The following CDC73 variants were observed in gnomAD, a reference collection of about 807,000 sequenced individuals.
CDC73 encodes the protein cell division cycle 73.
CDC73 carries 21 observed loss-of-function variants against 83.7 expected under a neutral mutation model. The observed-to-expected ratio is 0.25, with a 90% CI of 0.18 to 0.36. The LOEUF is 0.36. Ranked by LOEUF, CDC73 falls within the 10% of genes least tolerant of loss-of-function variation. The pLI, the probability that CDC73 is intolerant of heterozygous loss-of-function variation, is 1.00. For synonymous variants in CDC73, 224 were observed against 212.9 expected, an observed-to-expected ratio of 1.05 and a Z score of -0.45; for missense variants, 342 against 653.3, an observed-to-expected ratio of 0.52 and a Z score of 5.19.
chr1:193,159,518 G>C (rs1320748264), intron 10 of CDC73, among the ~76,000 whole-genome samples: 1 of 151,950 alleles, frequency 6.6e-6, no homozygotes, highest in African/African-American at 2.4e-5. Flanking sequence ...TTACAGGCGT[G>C]CACCACCATG....
intron 2 of CDC73, among the ~76,000 whole-genome samples, chr1:193,127,289 ATGTGTG>A (rs34948918): frequency 0.01 from 1,440 of 143,254 alleles, 15 homozygotes; most frequent in South Asian, 0.035. Flanking sequence ...AAAAAAAAAA[ATGTGTG>A]TGTGTGTGTG....
intron 10 of CDC73, among the ~76,000 whole-genome samples, chr1:193,153,627 G>A (rs1676158895): frequency 6.6e-6 from 1 of 152,108 alleles, no homozygotes; most frequent in South Asian, 2.1e-4. Context: ...CTGATTTTAA[G>A]TTTGTTTTTT....
chr1:193,209,102 T>G (rs555648902), intron 11 of CDC73, among the ~76,000 whole-genome samples: 1 of 152,268 alleles, frequency 6.6e-6, no homozygotes, highest in South Asian at 2.1e-4. Flanking sequence ...GAATTACTTC[T>G]GTTTTATTTG....
At chr1:193,175,390 A>G (rs973551603) in intron 10 of CDC73, among the ~76,000 whole-genome samples, 1 of 152,218 alleles carries the variant, frequency 6.6e-6, no homozygotes, top group African/African-American at 2.4e-5. Context: ...GGCAATAGCA[A>G]GAGAAAGAAG....
intron 6 of CDC73, among the ~76,000 whole-genome samples, chr1:193,138,774 A>AT (rs5779662): frequency 0.71 from 91,162 of 128,946 alleles, 32,523 homozygotes; most frequent in South Asian, 0.79. Context: ...CTGAACTTTA[A>AT]TTTTTTTTTT....
At chr1:193,228,858 G>C (rs1677608512) in intron 13 of CDC73, among the ~76,000 whole-genome samples, 1 of 151,978 alleles carries the variant, frequency 6.6e-6, no homozygotes, top group Non-Finnish European at 1.5e-5. Context: ...CCACATGCTG[G>C]GAGAAAATCT....
intron 3 of CDC73, among the ~76,000 whole-genome samples, chr1:193,132,196 C>T (rs1448894089): frequency 6.6e-6 from 1 of 152,164 alleles, no homozygotes; most frequent in East Asian, 1.9e-4. Context: ...TGGCTTTAAG[C>T]AGTAAGATTG....
chr1:193,210,042 A>G (rs1241146502), intron 11 of CDC73, among the ~76,000 whole-genome samples: 1 of 152,202 alleles, frequency 6.6e-6, no homozygotes, highest in African/African-American at 2.4e-5. Context: ...TATGTAGCCA[A>G]TGAGATTTAT....
At chr1:193,230,573 A>G (rs1328809349) in intron 13 of CDC73, among the ~76,000 whole-genome samples, 1 of 151,134 alleles carries the variant, frequency 6.6e-6, no homozygotes, top group Non-Finnish European at 1.5e-5. Context: ...TACATATGAA[A>G]CAATTGCCTA....
intron 10 of CDC73, among the ~76,000 whole-genome samples, chr1:193,153,088 T>A (rs567472402): frequency 6.6e-6 from 1 of 152,250 alleles, no homozygotes; most frequent in Admixed American, 6.5e-5. Context: ...CAATGTAATG[T>A]CTTTCGCTCT....
Position 193,253,569 on chromosome 1 carries a change from T to G in CDC73, c.*2857T>G, listed in dbSNP as rs1678078118. 2 of 231,970 alleles carry G rather than the reference T, an allele frequency of 8.6e-6. No homozygotes were observed. The highest frequency in any genetic ancestry group is 1.7e-5 in the Non-Finnish European group (2 of 117,364). 14.4% of individuals were successfully genotyped at this position (231,970 alleles called of 1,614,324 possible). A position where few individuals can be genotyped will look rare whatever the true frequency, so the allele number is the denominator to read the frequency against. On this transcript the variant is annotated 3_prime_UTR_variant, in exon 17 of 17. Transcript: ENST00000367435. The stretch of plus-strand genomic sequence containing the variant: ...TTTAAACAATGTTTAATGTATTTCA[T>G]TATTAACTAGTATTATAGTTTGTTT...
intron 10 of CDC73, among the ~76,000 whole-genome samples, chr1:193,181,882 G>A (rs1040096688): frequency 3.3e-5 from 5 of 152,092 alleles, no homozygotes; most frequent in African/African-American, 1.2e-4. Flanking sequence ...AGCACAGTGA[G>A]CATTTTAAAG....
chr1:193,206,246 T>C (rs1470395486), intron 11 of CDC73, among the ~76,000 whole-genome samples: 2 of 152,182 alleles, frequency 1.3e-5, no homozygotes, highest in Non-Finnish European at 2.9e-5. Flanking sequence ...GCTTACTTTT[T>C]AGCTAAAGTG....
intron 10 of CDC73, among the ~76,000 whole-genome samples, chr1:193,191,579 G>A (rs912066009): frequency 3.3e-5 from 5 of 151,848 alleles, no homozygotes; most frequent in Non-Finnish European, 5.9e-5. Context: ...GTAGAGTCGC[G>A]GTTTCGTCAT....
At chr1:193,164,800 T>C (rs1334968440) in intron 10 of CDC73, among the ~76,000 whole-genome samples, 1 of 152,202 alleles carries the variant, frequency 6.6e-6, no homozygotes, top group Non-Finnish European at 1.5e-5. Flanking sequence ...GATGTATAGA[T>C]TACTGAGTCA....
rs2102058509 is a variant in CDC73 at position 193,233,167 on chromosome 1, C to A, written c.1316+13C>A. ...TGCCTCAAGACTGGTAAGATAGTCT[C>A]TATATATATATCTTTTCACAGGTGT... On this transcript the variant is annotated intron_variant, in intron 14 of 16. Transcript: ENST00000367435. The A allele has an allele frequency of 1.9e-6, 3 of 1,592,448 alleles. No individual in the cohort carries two copies. Among genetic ancestry groups the A allele is most frequent in the Non-Finnish European group, 2.6e-6 (3 of 1,161,194 alleles).
chr1:193,197,746 T>G (rs1677025531), intron 10 of CDC73, among the ~76,000 whole-genome samples: 1 of 151,818 alleles, frequency 6.6e-6, no homozygotes, highest in Non-Finnish European at 1.5e-5. Context: ...GCCAACATGG[T>G]GAAACCCCGT....
intron 10 of CDC73, chr1:193,179,116 T>C (rs952667872): frequency 1.3e-5 from 2 of 152,206 alleles, no homozygotes; most frequent in African/African-American, 4.8e-5. Flanking sequence ...CATCCTAGAA[T>C]TGTGTTTGTC....
At chr1:193,225,084 C>T (rs1184445780) in intron 13 of CDC73, among the ~76,000 whole-genome samples, 1 of 151,848 alleles carries the variant, frequency 6.6e-6, no homozygotes, top group African/African-American at 2.4e-5. Context: ...ATTCTCATGC[C>T]TTTGCATCCT....
Sources: allele counts gnomAD v4.1 joint callset (sites outside exome capture counted in the v4.1 genomes callset), GRCh38; gene constraint gnomAD v4.1.1; transcripts MANE v1.5; gene names NCBI Gene and HGNC (gene_info 2026-07-23, HGNC 2026-07-21).